HIPK1: variants seen among roughly 807,000 people sequenced by gnomAD.
The protein encoded by HIPK1 is homeodomain-interacting protein kinase 1.
Under a neutral mutation model 117.1 loss-of-function variants are expected in HIPK1, and 28 were observed. That is an observed-to-expected ratio of 0.24 (90% CI 0.18 to 0.33). The LOEUF is 0.33. Among genes scored for constraint, HIPK1 ranks in the 10% least tolerant of loss-of-function variants. The probability of loss-of-function intolerance (pLI) is 1.00; values close to 1 mark genes in which losing one functional copy is unlikely to be tolerated. For missense variants in HIPK1, 1,122 were observed against 1,475.1 expected (o/e 0.76, Z 3.92); for synonymous variants, 605 against 562.5 (o/e 1.08, Z -1.07).
intron 2 of HIPK1, among the ~76,000 whole-genome samples, chr1:113,949,205 GGACTTTAAAAT>G (rs1336600469): frequency 6.6e-6 from 1 of 152,220 alleles, no homozygotes; most frequent in Middle Eastern, 3.4e-3. Flanking sequence ...CCTACCTTTT[GGACTTTAAAAT>G]GTCTTTCTAG....
At chr1:113,966,353 T>C in intron 11 of HIPK1, 81 bp downstream of exon 11, 1 of 1,312,268 alleles carries the variant, frequency 7.6e-7, no homozygotes, top group African/African-American at 1.5e-5. Flanking sequence ...GGAGAGAGAC[T>C]AGTAAGAAAA....
At chr1:113,965,495 G>C (rs1672385345) in intron 10 of HIPK1, among the ~76,000 whole-genome samples, 1 of 152,102 alleles carries the variant, frequency 6.6e-6, no homozygotes, top group Admixed American at 6.6e-5. Context: ...GATGCTTTCT[G>C]CTTCTAAAAC....
At chr1:113,968,758 C>T (rs1034082381) in intron 13 of HIPK1, 110 bp downstream of exon 13, 12 of 823,030 alleles carry the variant, frequency 1.5e-5, no homozygotes, top group East Asian at 1.3e-4. Context: ...TGGTGGCTCA[C>T]GCCTGTAATC....
chr1:113,956,067 ATTTTTTTTTTT>A (rs755763487), intron 5 of HIPK1, among the ~76,000 whole-genome samples: 1 of 91,826 alleles, frequency 1.1e-5, no homozygotes, highest in Non-Finnish European at 2.1e-5. Flanking sequence ...TACTTGTTCC[ATTTTTTTTTTT>A]TTTTTTTTTT....
chr1:113,973,079 C>T lies in HIPK1; in HGVS notation c.3200C>T (p.Pro1067Leu), dbSNP rs781181907. ...CAGGAGAGAAGCAGCAACCCAGCCC[C>T]CCGCAGGCAGCAGGCGTTTGTGGCC... ...TSQERSSNPAPRRQQAFVAPL... is the reference protein window; with the variant it reads ...TSQERSSNPALRRQQAFVAPL... Residue 1067 changes from proline (P) to leucine (L), a missense_variant, in exon 16 of 16, where the codon CCC (proline) becomes CTC (leucine). Physicochemically the swap from Pro to Leu is moderately conservative, Grantham distance 98. This residue lies in a region of HIPK1 where 731 missense variants were observed against 860.4 expected (regional missense o/e 0.85). Coordinates refer to ENST00000426820, the MANE Select transcript of HIPK1 (RefSeq NM_198268.3). The T allele has an allele frequency of 6.5e-7, 1 of 1,535,388 alleles. No homozygotes were observed. The highest frequency in any genetic ancestry group is 8.8e-7 in the Non-Finnish European group (1 of 1,141,186).
chr1:113,943,478 C>A (rs1670784798), intron 2 of HIPK1, among the ~76,000 whole-genome samples: 1 of 152,208 alleles, frequency 6.6e-6, no homozygotes, highest in Admixed American at 6.5e-5. Context: ...CCTTTTATGG[C>A]TGTATAATAT....
intron 1 of HIPK1, among the ~76,000 whole-genome samples, chr1:113,937,184 A>G (rs1023082523): frequency 1.3e-5 from 2 of 152,192 alleles, no homozygotes; most frequent in Non-Finnish European, 2.9e-5. Context: ...TATATAAATT[A>G]TGGAAACTCT....
chr1:113,956,892 C>A, intron 6 of HIPK1, 81 bp downstream of exon 6: 1 of 1,285,882 alleles, frequency 7.8e-7, no homozygotes. Flanking sequence ...ATCAAATGAG[C>A]CCGCCACTTT....
chr1:113,938,622 T>A (rs1007518068), intron 1 of HIPK1, among the ~76,000 whole-genome samples: 18 of 151,620 alleles, frequency 1.2e-4, no homozygotes, highest in African/African-American at 3.9e-4. Flanking sequence ...GAAATATACT[T>A]AGGAGGCCAG....
rs754242973 is a variant in HIPK1, at chr1:113,952,834, T to C, written c.1145T>C (p.Ile382Thr). ...AIDMWSLGCV[I>T]AELFLGWPLY... ...GATATGTGGTCACTGGGCTGTGTGATAGCTGAGCTGTTCCTGGGATGGCCT... is the reference window on the plus strand; with the variant it reads ...GATATGTGGTCACTGGGCTGTGTGACAGCTGAGCTGTTCCTGGGATGGCCT... The change falls in exon 3 of 16, where the codon ATA becomes ACA. Residue 382 changes from isoleucine (I) to threonine (T), a missense_variant. By Grantham distance (89) the Ile-to-Thr change is moderately conservative. This residue lies in a region of HIPK1 where 127 missense variants were observed against 197.9 expected (regional missense o/e 0.64). Coordinates refer to ENST00000426820, the MANE Select transcript of HIPK1 (RefSeq NM_198268.3). 10 of 1,558,996 alleles carry C rather than the reference T, an allele frequency of 6.4e-6. No individual in the cohort carries two copies. Among genetic ancestry groups the C allele is most frequent in the Non-Finnish European group, 7.8e-6 (9 of 1,149,730 alleles).
At chr1:113,957,933 A>T (rs1671833775) in intron 7 of HIPK1, 133 bp from the exon 8 acceptor site, 1 of 677,688 alleles carries the variant, frequency 1.5e-6, no homozygotes, top group South Asian at 2.0e-5. Flanking sequence ...TTAAGCAGAG[A>T]GTTATTTCAG....
chr1:113,970,484 A>G (rs1305179580), intron 14 of HIPK1, among the ~76,000 whole-genome samples: 2 of 152,256 alleles, frequency 1.3e-5, no homozygotes, highest in Non-Finnish European at 2.9e-5. Flanking sequence ...TATTGCAAGA[A>G]GAATTAGCAG....
intron 9 of HIPK1, among the ~76,000 whole-genome samples, chr1:113,963,039 A>T (rs772036339): frequency 3.3e-5 from 5 of 152,242 alleles, no homozygotes; most frequent in Non-Finnish European, 7.3e-5. Flanking sequence ...TATTTTATAT[A>T]TAAATGTTTG....
At chr1:113,966,353 T>TAATA in intron 11 of HIPK1, 81 bp downstream of exon 11, 1 of 1,312,268 alleles carries the variant, frequency 7.6e-7, no homozygotes, top group Non-Finnish European at 1.0e-6. Flanking sequence ...GGAGAGAGAC[T>TAATA]AGTAAGAAAA....
intron 15 of HIPK1, 25 bp from the exon 16 acceptor site, chr1:113,972,999 C>G (rs1298147196): frequency 6.6e-7 from 1 of 1,513,190 alleles, no homozygotes; most frequent in Admixed American, 2.3e-5. Flanking sequence ...CTCAGGATTC[C>G]TCACTTCTTC....
chr1:113,951,266 A>G (rs746138713), intron 2 of HIPK1: 34 of 984,714 alleles, frequency 3.5e-5, no homozygotes, highest in Non-Finnish European at 3.9e-5. Context: ...GTATTCCACC[A>G]TGTCAAATAT....
chr1:113,954,377 T>C (rs1453925531), intron 3 of HIPK1, among the ~76,000 whole-genome samples: 1 of 152,210 alleles, frequency 6.6e-6, no homozygotes, highest in Non-Finnish European at 1.5e-5. Context: ...TTATCTGAGT[T>C]GTAGTAGATT....
At chr1:113,947,216 C>G (rs1571677313) in intron 2 of HIPK1, among the ~76,000 whole-genome samples, 1 of 152,200 alleles carries the variant, frequency 6.6e-6, no homozygotes, top group South Asian at 2.1e-4. Flanking sequence ...ACTTTACTCT[C>G]TGGCTCACTG....
chr1:113,958,127 A>G lies in HIPK1; in HGVS notation c.1817A>G (p.Asp606Gly), dbSNP rs1671848316. ...GCTACTCTTTCTCTGGCTAATTCAGATGTCTCACTACTAAACTACCAGTCA... is the reference window on the plus strand; with the variant it reads ...GCTACTCTTTCTCTGGCTAATTCAGGTGTCTCACTACTAAACTACCAGTCA... ...AAATLSLANS[D>G]VSLLNYQSAL... The change falls in exon 8 of 16, where the codon GAT (aspartate) becomes GGT (glycine). Residue 606 changes from aspartate (D) to glycine (G), a missense_variant. Coordinates refer to ENST00000426820, the MANE Select transcript of HIPK1 (RefSeq NM_198268.3). The G allele has an allele frequency of 1.2e-6, 2 of 1,614,142 alleles. No homozygotes were observed. The highest frequency in any genetic ancestry group is 1.3e-5 in the African/African-American group (1 of 75,018).
Sources: gnomAD v4.1 joint callset for allele counts (sites outside exome capture counted in the v4.1 genomes callset) on GRCh38, gnomAD v4.1.1 for gene constraint, gnomAD v4.1.1 regional missense constraint, MANE v1.5 for transcripts, NCBI Gene and HGNC (gene_info 2026-07-23, HGNC 2026-07-21) for gene names.